Variants in CTNNA3 observed in about 807,000 individuals in gnomAD.
CTNNA3 encodes the protein catenin alpha 3.
Under a neutral mutation model 95.7 loss-of-function variants are expected in CTNNA3, and 76 were observed. The observed-to-expected ratio is 0.79, with a 90% CI of 0.66 to 0.96. The LOEUF (loss-of-function observed/expected upper bound fraction) is 0.96. Among genes scored for constraint, CTNNA3 ranks in the 40% least tolerant of loss-of-function variants. The pLI is 0.00. For synonymous variants in CTNNA3, 431 were observed against 374.4 expected (o/e 1.15, Z -1.74); for missense variants, 1,191 against 1,089.8 (o/e 1.09, Z -1.31).
At chr10:66,020,875 G>T (rs368345147) in intron 15 of CTNNA3, among the ~76,000 whole-genome samples, 1 of 151,712 alleles carries the variant, frequency 6.6e-6, no homozygotes, top group Non-Finnish European at 1.5e-5. Flanking sequence ...GGGTTTCACC[G>T]TGTTAGCCAG....
chr10:66,407,789 C>G (rs896541667), intron 11 of CTNNA3, among the ~76,000 whole-genome samples: 4 of 152,262 alleles, frequency 2.6e-5, no homozygotes, highest in South Asian at 4.1e-4. Context: ...CCATCTTGGC[C>G]AGGCTGGTCT....
chr10:67,129,358 G>T (rs1383962294), intron 7 of CTNNA3, among the ~76,000 whole-genome samples: 1 of 152,100 alleles, frequency 6.6e-6, no homozygotes, highest in East Asian at 1.9e-4. Context: ...AAGTTTAAAA[G>T]TATCTCAAAT....
intron 13 of CTNNA3, among the ~76,000 whole-genome samples, chr10:66,116,515 A>G (rs964620007): frequency 9.9e-5 from 15 of 151,502 alleles, no homozygotes; most frequent in African/African-American, 3.7e-4. Flanking sequence ...AACAAATGGT[A>G]TGCCCATTTA....
chr10:66,667,668 CT>C (rs1846504592), intron 9 of CTNNA3, among the ~76,000 whole-genome samples: 1 of 152,210 alleles, frequency 6.6e-6, no homozygotes, highest in East Asian at 1.9e-4. Flanking sequence ...AAGATTTAGT[CT>C]TTTGTTTTTC....
At chr10:66,101,875 A>G (rs185180152) in intron 14 of CTNNA3, among the ~76,000 whole-genome samples, 1 of 152,316 alleles carries the variant, frequency 6.6e-6, no homozygotes, top group African/African-American at 2.4e-5. Flanking sequence ...AAAGGATTCT[A>G]GGTAAAATTT....
chr10:67,671,058 A>G (rs137960336), intron 1 of CTNNA3, among the ~76,000 whole-genome samples: 1 of 152,270 alleles, frequency 6.6e-6, no homozygotes, highest in Non-Finnish European at 1.5e-5. Context: ...CACTCAGCAC[A>G]TAGTCCCAAC....
At chr10:66,809,064 G>A (rs765795097) in intron 7 of CTNNA3, among the ~76,000 whole-genome samples, 5 of 152,096 alleles carry the variant, frequency 3.3e-5, no homozygotes, top group Non-Finnish European at 2.9e-5. Context: ...TCTCAGTGTC[G>A]TTATCATTTT....
intron 6 of CTNNA3, among the ~76,000 whole-genome samples, chr10:67,205,249 T>C (rs58282889): frequency 0.064 from 9,710 of 152,258 alleles, 467 homozygotes; most frequent in African/African-American, 0.13. Context: ...AGATCTCTTT[T>C]ATGTCATAAT....
intron 9 of CTNNA3, among the ~76,000 whole-genome samples, chr10:66,624,020 G>T (rs1554826273): frequency 6.6e-6 from 1 of 152,076 alleles, no homozygotes; most frequent in Non-Finnish European, 1.5e-5. Flanking sequence ...AAGATGTTCT[G>T]TAAAAATAGT....
chr10:66,152,877 C>T (rs978582161), intron 13 of CTNNA3, among the ~76,000 whole-genome samples: 1 of 151,842 alleles, frequency 6.6e-6, no homozygotes, highest in Non-Finnish European at 1.5e-5. Context: ...TTCAGTAAGT[C>T]ATCGTTCAGT....
intron 5 of CTNNA3, among the ~76,000 whole-genome samples, chr10:67,272,507 T>G (rs1315105830): frequency 6.6e-6 from 1 of 152,084 alleles, no homozygotes. Context: ...CAGCTATCAT[T>G]GTACCACTGC....
chr10:67,325,057 T>A (rs1267105900), intron 5 of CTNNA3, among the ~76,000 whole-genome samples: 30 of 152,154 alleles, frequency 2.0e-4, no homozygotes, highest in African/African-American at 7.0e-4. Flanking sequence ...TGATTGTTAT[T>A]TGTATTTCTG....
chr10:66,922,021 A>G (rs1278275152), intron 7 of CTNNA3, among the ~76,000 whole-genome samples: 1 of 152,234 alleles, frequency 6.6e-6, no homozygotes. Context: ...TCAGTTTCAT[A>G]TTGGACTAAA....
intron 11 of CTNNA3, among the ~76,000 whole-genome samples, chr10:66,395,088 T>C (rs1564924809): frequency 1.3e-5 from 2 of 151,906 alleles, no homozygotes; most frequent in African/African-American, 2.4e-5. Flanking sequence ...ACAGTATCTC[T>C]CCACGTGGGA....
chr10:67,162,021 T>C (rs1185325146), intron 7 of CTNNA3, among the ~76,000 whole-genome samples: 1 of 151,982 alleles, frequency 6.6e-6, no homozygotes, highest in Non-Finnish European at 1.5e-5. Flanking sequence ...GCTATAAATA[T>C]AGATGAAGCA....
intron 13 of CTNNA3, among the ~76,000 whole-genome samples, chr10:66,109,405 A>G (rs1447221035): frequency 1.3e-5 from 2 of 152,168 alleles, no homozygotes; most frequent in Non-Finnish European, 1.5e-5. Flanking sequence ...GAAGTTTAGC[A>G]CCAACCCTAG....
chr10:66,121,646 T>G (rs1001681105), intron 13 of CTNNA3, among the ~76,000 whole-genome samples: 3 of 152,060 alleles, frequency 2.0e-5, no homozygotes, highest in African/African-American at 7.2e-5. Context: ...GGTGAAGAGT[T>G]CAAGAGCAGC....
At chr10:66,739,100 A>C (rs1036459455) in intron 9 of CTNNA3, among the ~76,000 whole-genome samples, 1 of 152,280 alleles carries the variant, frequency 6.6e-6, no homozygotes, top group South Asian at 2.1e-4. Flanking sequence ...AGAGATTATA[A>C]ATCTCTGAAC....
At chr10:66,551,511 A>T (rs974238557) in intron 10 of CTNNA3, among the ~76,000 whole-genome samples, 11 of 152,082 alleles carry the variant, frequency 7.2e-5, no homozygotes, top group African/African-American at 2.7e-4. Flanking sequence ...CCATCAATTC[A>T]AAAAAATTTA....
Sources: allele counts gnomAD v4.1 joint callset (sites outside exome capture counted in the v4.1 genomes callset), GRCh38; gene constraint gnomAD v4.1.1; transcripts MANE v1.5; gene names NCBI Gene and HGNC (gene_info 2026-07-23, HGNC 2026-07-21).